Variants in ANKRD28 observed in about 807,000 individuals in gnomAD.
ANKRD28 encodes ankyrin repeat domain 28.
A neutral mutation model predicts 126.5 loss-of-function variants in ANKRD28; 44 were observed. That is an observed-to-expected ratio of 0.35 (90% confidence interval 0.27 to 0.45). The LOEUF (loss-of-function observed/expected upper bound fraction) is 0.45, where lower values mean the gene tolerates loss of function less well. Among genes scored for constraint, ANKRD28 ranks in the 20% least tolerant of loss-of-function variants. ANKRD28 has a pLI of 1.00. For missense variants in ANKRD28, 1,110 were observed against 1,316.6 expected, an observed-to-expected ratio of 0.84 and a Z score of 2.43; for synonymous variants, 442 against 468.5, an observed-to-expected ratio of 0.94 and a Z score of 0.73.
At chr3:15,679,795 C>T (rs1199582015) in intron 21 of ANKRD28, among the ~76,000 whole-genome samples, 4 of 151,932 alleles carry the variant, frequency 2.6e-5, no homozygotes, top group Non-Finnish European at 4.4e-5. Flanking sequence ...TCTCTGTATC[C>T]GTGGGTTCTG....
Position 15,735,457 on chromosome 3 carries a change from G to T in ANKRD28, c.593C>A (p.Ala198Asp). ...LLLSRGANIN[A>D]FDKKDRRAIH... ...AGCACGCCTATCTTTCTTGTCAAAA[G>T]CATTAATATTGGCACCTCTAGACAA... Residue 198 changes from alanine (A) to aspartate (D), a missense_variant, in exon 6 of 28, where the codon GCT (alanine) becomes GAT (aspartate). Coordinates refer to ENST00000683139, the MANE Select transcript of ANKRD28 (RefSeq NM_001349278.2). 1 of 1,560,452 alleles carries T rather than the reference G, an allele frequency of 6.4e-7. No individual in the cohort carries two copies.
At chr3:15,706,913 C>T (rs2071517759) in intron 14 of ANKRD28, among the ~76,000 whole-genome samples, 1 of 152,082 alleles carries the variant, frequency 6.6e-6, no homozygotes, top group Non-Finnish European at 1.5e-5. Context: ...TGTTCATATC[C>T]TTCACCCAAT....
At chr3:15,832,878 G>A (rs1320079006) in intron 1 of ANKRD28, among the ~76,000 whole-genome samples, 1 of 152,068 alleles carries the variant, frequency 6.6e-6, no homozygotes, top group Non-Finnish European at 1.5e-5. Flanking sequence ...GGTGAATAGC[G>A]CTGCAATAAA....
chr3:15,752,413 AT>A (rs1443592495), intron 3 of ANKRD28, among the ~76,000 whole-genome samples: 1 of 152,236 alleles, frequency 6.6e-6, no homozygotes, highest in Non-Finnish European at 1.5e-5. Flanking sequence ...AAACAAATCA[AT>A]TTTGTACAGT....
intron 6 of ANKRD28, among the ~76,000 whole-genome samples, chr3:15,734,860 C>T (rs1373687581): frequency 6.6e-6 from 1 of 152,142 alleles, no homozygotes; most frequent in Non-Finnish European, 1.5e-5. Flanking sequence ...GTGGTCTACC[C>T]CAGGCCTATT....
chr3:15,724,700 T>C lies in ANKRD28; in HGVS notation c.641-176A>G, dbSNP rs567723332. 6.6e-5 allele frequency among the ~76,000 whole-genome samples: 10 copies of C among 152,170 alleles called. No individual in the cohort carries two copies. In the South Asian group the frequency reaches 1.9e-3, roughly 28 times the overall value. ...AAGGAAAATTTTAAGACTTTAGGGGTGGGCATAATGGCTCATGCCTATAAT... is the reference window on the plus strand; with the variant it reads ...AAGGAAAATTTTAAGACTTTAGGGGCGGGCATAATGGCTCATGCCTATAAT... On this transcript the variant is annotated intron_variant, in intron 6 of 27. Transcript: ENST00000683139.
chr3:15,776,213 T>C (rs995316120), intron 2 of ANKRD28, among the ~76,000 whole-genome samples: 1 of 152,240 alleles, frequency 6.6e-6, no homozygotes, highest in African/African-American at 2.4e-5. Context: ...ACAGTGCTCA[T>C]GGAAGTTTAA....
intron 6 of ANKRD28, chr3:15,732,840 A>T (rs527344344): frequency 2.6e-5 from 4 of 152,436 alleles, no homozygotes; most frequent in African/African-American, 9.6e-5. Flanking sequence ...ATATGTGGAA[A>T]GTATTAGAAG....
chr3:15,697,833 A>G (rs928994851), intron 14 of ANKRD28, among the ~76,000 whole-genome samples: 1 of 152,216 alleles, frequency 6.6e-6, no homozygotes, highest in Non-Finnish European at 1.5e-5. Context: ...TACCTCTGGT[A>G]GAATTCGGCT....
Position 15,679,298 on chromosome 3 carries a change from T to C in ANKRD28, c.2561+3A>G. The C allele has an allele frequency of 6.2e-7, 1 of 1,613,668 alleles. No individual in the cohort carries two copies. Among genetic ancestry groups the C allele is most frequent in the Non-Finnish European group, 8.5e-7 (1 of 1,179,592 alleles). On this transcript the variant is annotated splice_donor_region_variant and intron_variant, in intron 23 of 27. Coordinates refer to ENST00000683139, the MANE Select transcript of ANKRD28 (RefSeq NM_001349278.2). Reference sequence around the variant, plus strand: ...ACTATTTAATACATAGTTGAATTCCTACCTTCCTTTTGAATCTGTGGCGTT... The same window carrying C: ...ACTATTTAATACATAGTTGAATTCCCACCTTCCTTTTGAATCTGTGGCGTT...
chr3:15,746,111 G>C (rs916416480), intron 4 of ANKRD28, among the ~76,000 whole-genome samples: 3 of 152,178 alleles, frequency 2.0e-5, no homozygotes, highest in Admixed American at 2.0e-4. Context: ...GTTTTGGAAT[G>C]AGTCTTTAGG....
rs2067003989 is a variant in ANKRD28, at chr3:15,676,996, C to A, written c.2851G>T (p.Ala951Ser). The change falls in exon 26 of 28, where the codon GCA becomes TCA. Residue 951 changes from alanine (A) to serine (S), a missense_variant. Transcript: ENST00000683139. ...EKITDRNLINATNAALQTPLH... is the reference protein window; with the variant it reads ...EKITDRNLINSTNAALQTPLH... ...CACGTTTGCAAGGCTGCGTTGGTTG[C>A]ATTGATGAGGTTTCTATCTGTTATC... is the stretch of plus-strand genomic sequence containing the variant. 1 of 1,612,682 alleles carries A rather than the reference C, an allele frequency of 6.2e-7. No homozygotes were observed. Among genetic ancestry groups the A allele is most frequent in the Non-Finnish European group, 8.5e-7 (1 of 1,179,466 alleles).
At chr3:15,832,703 A>T (rs2061231888) in intron 1 of ANKRD28, among the ~76,000 whole-genome samples, 1 of 152,202 alleles carries the variant, frequency 6.6e-6, no homozygotes, top group South Asian at 2.1e-4. Context: ...GAGAACATGC[A>T]GTATTTGACT....
At chr3:15,674,581 T>C (rs2066742370) in intron 27 of ANKRD28, among the ~76,000 whole-genome samples, 1 of 152,190 alleles carries the variant, frequency 6.6e-6, no homozygotes, top group Admixed American at 6.5e-5. Flanking sequence ...GTGAGAAGTC[T>C]GGGCTGGAGA....
intron 2 of ANKRD28, among the ~76,000 whole-genome samples, chr3:15,769,725 G>A (rs73038270): frequency 0.025 from 3,758 of 152,268 alleles, 85 homozygotes; most frequent in Non-Finnish European, 0.034. Context: ...GATGGGGTAT[G>A]TTTATCAAGG....
chr3:15,724,575 T>A, intron 6 of ANKRD28, 51 bp from the exon 7 acceptor site: 2 of 1,475,552 alleles, frequency 1.4e-6, no homozygotes, highest in Non-Finnish European at 1.8e-6. Flanking sequence ...ATGAAAACTA[T>A]TAAATATAAT....
Position 15,737,116 on chromosome 3 carries a change from C to T in ANKRD28, c.469G>A (p.Val157Ile). ...NKAVKCAEAL[V>I]PLLSNVNVSD... ...ACGTTTACATTACTCAGAAGAGGTA[C>T]CAAAGCTTCAGCACACTTTACAGCT... is the stretch of plus-strand genomic sequence containing the variant. Residue 157 changes from valine to isoleucine, a missense_variant, in exon 5 of 28, where the codon GTA (valine) becomes ATA (isoleucine). Val to Ile is a conservative substitution (Grantham distance 29). Coordinates refer to ENST00000683139, the MANE Select transcript of ANKRD28 (RefSeq NM_001349278.2). The T allele has an allele frequency of 6.2e-7, 1 of 1,613,928 alleles. No homozygotes were observed.
intron 8 of ANKRD28, among the ~76,000 whole-genome samples, chr3:15,717,040 T>C (rs1296788446): frequency 1.3e-5 from 2 of 152,216 alleles, no homozygotes; most frequent in Admixed American, 1.3e-4. Flanking sequence ...CCTATCAGAT[T>C]GATACCATTA....
Position 15,721,025 on chromosome 3 carries a change from T to A in ANKRD28, c.886A>T (p.Asn296Tyr), listed in dbSNP as rs971054067. 4.3e-6 allele frequency: 7 copies of A among 1,613,816 alleles called. No homozygotes were observed. The African/African-American group carries it at 9.3e-5, about 22-fold the overall frequency. Residue 296 changes from asparagine to tyrosine, a missense_variant, in exon 8 of 28, where the codon AAT becomes TAT. Transcript: ENST00000683139. ...NELIDCGAIV[N>Y]QKNEKGFTPL... ...GTAAATCCTTTTTCATTCTTTTGAT[T>A]CACAATAGCACCACAGTCTATAAGT...
Sources: allele counts gnomAD v4.1 joint callset (sites outside exome capture counted in the v4.1 genomes callset), GRCh38; gene constraint gnomAD v4.1.1; transcripts MANE v1.5; gene names NCBI Gene and HGNC (gene_info 2026-07-23, HGNC 2026-07-21).